ARHGAP39: variants seen among roughly 807,000 people sequenced by gnomAD.
ARHGAP39 encodes the protein rho GTPase-activating protein 39.
ARHGAP39 carries 44 observed loss-of-function variants against 106.9 expected under a neutral mutation model. That is an observed-to-expected ratio of 0.41 (90% CI 0.32 to 0.53). The LOEUF (loss-of-function observed/expected upper bound fraction) is 0.53. Among genes scored for constraint, ARHGAP39 ranks in the 20% least tolerant of loss-of-function variants. The pLI is 0.21. For synonymous variants in ARHGAP39, 768 were observed against 693.2 expected (o/e 1.11, Z -1.69); for missense variants, 1,496 against 1,577.3 (o/e 0.95, Z 0.87).
At chr8:144,601,308 CTG>C (rs200314249) in intron 2 of ARHGAP39, among the ~76,000 whole-genome samples, 3,410 of 121,934 alleles carry the variant, frequency 0.028, 162 homozygotes, top group African/African-American at 0.098. Context: ...GCTCATGTAC[CTG>C]TGTGTGTGTG....
rs1338687704 is a variant in ARHGAP39, at chr8:144,581,188, G to A, written c.170C>T (p.Ala57Val). 1 of 1,560,930 alleles carries A rather than the reference G, an allele frequency of 6.4e-7. No homozygotes were observed. The highest frequency in any genetic ancestry group is 1.9e-5 in the Admixed American group (1 of 51,734). The change falls in exon 3 of 12, where the codon GCC becomes GTC. Residue 57 changes from alanine (A) to valine (V), a missense_variant. By Grantham distance (64) the Ala-to-Val change is moderately conservative. Coordinates refer to ENST00000377307, the MANE Select transcript of ARHGAP39 (RefSeq NM_025251.3). The stretch of plus-strand genomic sequence containing the variant: ...GCTGGTGCGCTTGATGCGGACGCCG[G>A]CCGGCGGGTCCCACACGCACTCACC... The part of the protein sequence containing the change: ...VTGECVWDPP[A>V]GVRIKRTSEN...
intron 3 of ARHGAP39, among the ~76,000 whole-genome samples, chr8:144,560,699 G>C (rs1356754703): frequency 1.3e-5 from 2 of 152,154 alleles, no homozygotes; most frequent in Admixed American, 6.5e-5. Flanking sequence ...GCGGTGCGCG[G>C]GTTACTCTGT....
At chr8:144,638,170 T>C (rs1821223076) in intron 1 of ARHGAP39, among the ~76,000 whole-genome samples, 1 of 152,218 alleles carries the variant, frequency 6.6e-6, no homozygotes, top group African/African-American at 2.4e-5. Flanking sequence ...ATATTGAAGA[T>C]GAACACCACA....
intron 1 of ARHGAP39, among the ~76,000 whole-genome samples, chr8:144,640,710 TA>T (rs1821289956): frequency 6.6e-6 from 1 of 152,220 alleles, no homozygotes; most frequent in Admixed American, 6.5e-5. Flanking sequence ...GTTTTCCCGA[TA>T]AATACCCATT....
chr8:144,585,307 C>T lies in ARHGAP39; in HGVS notation c.81-4030G>A, dbSNP rs1157854145. Among the ~76,000 whole-genome samples the T allele has an allele frequency of 6.6e-6, 1 of 152,030 alleles. No homozygotes were observed. The highest frequency in any genetic ancestry group is 2.4e-5 in the African/African-American group (1 of 41,382). ...TCTCCATGGACATCCCAAATCACCACAGAGAACCTGAGGGGCCAGCCAGGG... is the reference window on the plus strand; with the variant it reads ...TCTCCATGGACATCCCAAATCACCATAGAGAACCTGAGGGGCCAGCCAGGG... On this transcript the variant is annotated intron_variant, in intron 2 of 11. Transcript: ENST00000377307. This position sits in a 1 kb window ranked among gnomAD's most constrained non-coding sequence, Gnocchi z 4.6.
At chr8:144,570,228 A>T (rs1586563087) in intron 3 of ARHGAP39, among the ~76,000 whole-genome samples, 1 of 152,312 alleles carries the variant, frequency 6.6e-6, no homozygotes, top group South Asian at 2.1e-4. Context: ...TCTCAAAAAC[A>T]AACAAACAAA....
rs1347449061 is a variant in ARHGAP39 at position 144,685,749 on chromosome 8, G to A, written c.-145C>T. Among the ~76,000 whole-genome samples the A allele has an allele frequency of 6.8e-6, 1 of 147,550 alleles. No homozygotes were observed. Among genetic ancestry groups the A allele is most frequent in the East Asian group, 2.0e-4 (1 of 5,112 alleles). On this transcript the variant is annotated 5_prime_UTR_variant, in exon 1 of 12. Coordinates refer to ENST00000377307, the MANE Select transcript of ARHGAP39 (RefSeq NM_025251.3). ...ATCCCGGCCCGCGCGACGCGCGTGA[G>A]CCAGCCGCCGCTCCCCGGCCTCTCT...
At chr8:144,681,433 A>G (rs1005456211) in intron 1 of ARHGAP39, among the ~76,000 whole-genome samples, 1 of 152,206 alleles carries the variant, frequency 6.6e-6, no homozygotes, top group African/African-American at 2.4e-5. Flanking sequence ...CTGCAAAGCT[A>G]ACTGTGAGAC....
At chr8:144,582,055 G>A (rs968391362) in intron 2 of ARHGAP39, among the ~76,000 whole-genome samples, 3 of 151,998 alleles carry the variant, frequency 2.0e-5, no homozygotes, top group Non-Finnish European at 2.9e-5. Flanking sequence ...TTAGCCCTGC[G>A]ACAGGCCTGG....
At position 144,624,498 on chromosome 8, in the gene ARHGAP39, A is replaced by G. The variant is rs539915445; in HGVS notation, c.-81-18803T>C. Among the ~76,000 whole-genome samples, 31 of 152,244 alleles carry G rather than the reference A, an allele frequency of 2.0e-4. No individual in the cohort carries two copies. In the South Asian group the frequency reaches 6.4e-3, roughly 32 times the overall value. On this transcript the variant is annotated intron_variant, in intron 1 of 11. Coordinates refer to ENST00000377307, the MANE Select transcript of ARHGAP39 (RefSeq NM_025251.3). ...CGCCTGTGTGGCAAGGCTGCCTCTA[A>G]CCCGCACATCTGCACCGACACGGCT...
At chr8:144,600,118 C>T (rs1021831522) in intron 2 of ARHGAP39, among the ~76,000 whole-genome samples, 31 of 151,312 alleles carry the variant, frequency 2.0e-4, no homozygotes, top group African/African-American at 6.1e-4. Flanking sequence ...CCTATGTGTG[C>T]GTAGAGACGA....
At chr8:144,664,236 C>A (rs375187590) in intron 1 of ARHGAP39, among the ~76,000 whole-genome samples, 1 of 152,134 alleles carries the variant, frequency 6.6e-6, no homozygotes, top group Non-Finnish European at 1.5e-5. Flanking sequence ...CTATCCCCTC[C>A]ACCTCTGCCA....
intron 1 of ARHGAP39, among the ~76,000 whole-genome samples, chr8:144,666,934 C>G (rs1039177955): frequency 1.3e-5 from 2 of 152,186 alleles, no homozygotes; most frequent in Non-Finnish European, 2.9e-5. Flanking sequence ...GTCCAAGCCC[C>G]TCCTCCTTGG....
At chr8:144,561,392 G>A (rs1316152707) in intron 3 of ARHGAP39, among the ~76,000 whole-genome samples, 1 of 147,242 alleles carries the variant, frequency 6.8e-6, no homozygotes, top group Non-Finnish European at 1.5e-5. Context: ...ACTCACCCCA[G>A]TGGTGTCCAT....
At chr8:144,640,906 T>TA (rs1437002315) in intron 1 of ARHGAP39, among the ~76,000 whole-genome samples, 1 of 152,248 alleles carries the variant, frequency 6.6e-6, no homozygotes, top group Middle Eastern at 3.2e-3. Context: ...TTGTCTGTTT[T>TA]AACCTCGCTA....
intron 2 of ARHGAP39, among the ~76,000 whole-genome samples, chr8:144,584,744 C>G (rs191615799): frequency 6.6e-6 from 1 of 152,202 alleles, no homozygotes; most frequent in East Asian, 1.9e-4. Flanking sequence ...GCCTGGGTGA[C>G]AGAGCGAGAC....
chr8:144,659,759 T>C (rs910233745), intron 1 of ARHGAP39, among the ~76,000 whole-genome samples: 3 of 152,134 alleles, frequency 2.0e-5, no homozygotes, highest in Non-Finnish European at 4.4e-5. Context: ...AAGCTAACAA[T>C]TGCTTCTCTC....
At position 144,547,827 on chromosome 8, in the gene ARHGAP39, G is replaced by A. The variant is rs771295852; in HGVS notation, c.1259C>T (p.Pro420Leu). The stretch of plus-strand genomic sequence containing the variant: ...GGAGTACGAACCACCGCCGGGGTTG[G>A]GCGCGTACTTGTGCCGCGGGCCGGC... ...LRAGPRHKYAPNPGGGSYSLQ... is the reference protein window; with the variant it reads ...LRAGPRHKYALNPGGGSYSLQ... Residue 420 changes from proline to leucine, a missense_variant, in exon 5 of 12, where the codon CCC becomes CTC. Around this residue, in one of 4 missense-constraint regions of ARHGAP39, gnomAD observed 905 missense variants for 816.4 expected, o/e 1.11. Coordinates refer to ENST00000377307, the MANE Select transcript of ARHGAP39 (RefSeq NM_025251.3). This position sits in a 1 kb window ranked among gnomAD's most constrained non-coding sequence, Gnocchi z 5.2. The A allele has an allele frequency of 8.8e-6, 14 of 1,591,578 alleles. No individual in the cohort carries two copies. The highest frequency in any genetic ancestry group is 1.2e-5 in the Non-Finnish European group (14 of 1,170,896).
chr8:144,664,806 G>GT (rs1821920272), intron 1 of ARHGAP39, among the ~76,000 whole-genome samples: 1 of 152,200 alleles, frequency 6.6e-6, no homozygotes, highest in Non-Finnish European at 1.5e-5. Context: ...ATGTGGAACT[G>GT]TAAGTCCAAT....
Sources: gnomAD v4.1 joint callset for allele counts (sites outside exome capture counted in the v4.1 genomes callset) on GRCh38, gnomAD v4.1.1 for gene constraint, gnomAD v4.1.1 regional missense constraint, Gnocchi (gnomAD v3.1) non-coding constraint, MANE v1.5 for transcripts, NCBI Gene and HGNC (gene_info 2026-07-23, HGNC 2026-07-21) for gene names.